The following COX7B2 variants were observed in gnomAD, a reference collection of about 807,000 sequenced individuals.
COX7B2 encodes the protein cytochrome c oxidase subunit 7B2, mitochondrial.
For synonymous variants in COX7B2, 37 were observed against 32.1 expected (o/e 1.15, Z -0.51); for missense variants, 109 against 95.9 (o/e 1.14, Z -0.57).
At chr4:46,737,567 G>T (rs932114985) in intron 2 of COX7B2, among the ~76,000 whole-genome samples, 47 of 152,110 alleles carry the variant, frequency 3.1e-4, no homozygotes, top group Non-Finnish European at 4.3e-4. Context: ...AAGCTAAAAT[G>T]AATGCTAAGA....
At chr4:46,737,663 A>C (rs1455087790) in intron 2 of COX7B2, among the ~76,000 whole-genome samples, 1 of 152,160 alleles carries the variant, frequency 6.6e-6, no homozygotes, top group Non-Finnish European at 1.5e-5. Context: ...GAAATCTGGA[A>C]GTAGAAACAT....
At chr4:46,846,134 G>T (rs1053227589) in intron 1 of COX7B2, among the ~76,000 whole-genome samples, 1 of 152,050 alleles carries the variant, frequency 6.6e-6, no homozygotes, top group African/African-American at 2.4e-5. Flanking sequence ...ATGAATCCAG[G>T]ATTAATTGAA....
At chr4:46,858,460 T>C (rs1717138626) in intron 1 of COX7B2, among the ~76,000 whole-genome samples, 1 of 152,182 alleles carries the variant, frequency 6.6e-6, no homozygotes. Flanking sequence ...TCAGGCCGTT[T>C]TTCATTCATG....
chr4:46,887,876 G>T (rs1020114975), intron 1 of COX7B2, among the ~76,000 whole-genome samples: 1 of 152,012 alleles, frequency 6.6e-6, no homozygotes, highest in Non-Finnish European at 1.5e-5. Flanking sequence ...TGAAAAAAAG[G>T]TTGGGAGTTG....
chr4:46,749,110 T>C (rs932594691), intron 2 of COX7B2, among the ~76,000 whole-genome samples: 1 of 152,168 alleles, frequency 6.6e-6, no homozygotes, highest in East Asian at 1.9e-4. Flanking sequence ...TGTTTCTATA[T>C]CTAAAGTTTC....
At chr4:46,883,357 G>T (rs75472620) in intron 1 of COX7B2, among the ~76,000 whole-genome samples, 1 of 149,146 alleles carries the variant, frequency 6.7e-6, no homozygotes, top group Non-Finnish European at 1.5e-5. Context: ...CACTAATTTG[G>T]CCTTTTCAGA....
At chr4:46,832,176 ACTG>A (rs1182446461) in intron 2 of COX7B2, among the ~76,000 whole-genome samples, 1 of 152,070 alleles carries the variant, frequency 6.6e-6, no homozygotes, top group Non-Finnish European at 1.5e-5. Flanking sequence ...AAATTTTGCT[ACTG>A]CTAACTCTTT....
At chr4:46,787,256 C>G (rs542312164) in intron 2 of COX7B2, among the ~76,000 whole-genome samples, 2 of 151,924 alleles carry the variant, frequency 1.3e-5, no homozygotes, top group South Asian at 4.2e-4. Flanking sequence ...GAGACCAGCC[C>G]GACCAATATG....
chr4:46,759,245 C>T (rs866352167), intron 2 of COX7B2, among the ~76,000 whole-genome samples: 6 of 151,940 alleles, frequency 3.9e-5, no homozygotes, highest in Non-Finnish European at 7.4e-5. Flanking sequence ...AAGCAAAAAC[C>T]GGAAGAAATA....
At chr4:46,763,050 TAA>T (rs1716296479) in intron 2 of COX7B2, among the ~76,000 whole-genome samples, 1 of 131,070 alleles carries the variant, frequency 7.6e-6, no homozygotes, top group African/African-American at 2.9e-5. Flanking sequence ...TTATATATTA[TAA>T]TATGTAATAT....
chr4:46,782,404 T>G (rs1253969052), intron 2 of COX7B2, among the ~76,000 whole-genome samples: 1 of 152,114 alleles, frequency 6.6e-6, no homozygotes, highest in African/African-American at 2.4e-5. Context: ...GGAGAACTTT[T>G]GTGCCTAGCT....
chr4:46,803,212 T>C (rs1362299148), intron 2 of COX7B2, among the ~76,000 whole-genome samples: 1 of 152,132 alleles, frequency 6.6e-6, no homozygotes, highest in East Asian at 1.9e-4. Flanking sequence ...TTTGGCAAAG[T>C]GCCTGAAATC....
intron 2 of COX7B2, among the ~76,000 whole-genome samples, chr4:46,821,054 C>T (rs1352941724): frequency 1.3e-5 from 2 of 152,102 alleles, no homozygotes; most frequent in African/African-American, 2.4e-5. Flanking sequence ...CTGCCTTATG[C>T]TGCCCTTGCT....
chr4:46,852,017 T>G (rs974875570), intron 1 of COX7B2, among the ~76,000 whole-genome samples: 3 of 152,046 alleles, frequency 2.0e-5, no homozygotes, highest in Admixed American at 6.6e-5. Context: ...TTCTCCCAAT[T>G]AATTTTTGTA....
At chr4:46,899,654 G>A (rs1481143081) in intron 1 of COX7B2, among the ~76,000 whole-genome samples, 1 of 152,010 alleles carries the variant, frequency 6.6e-6, no homozygotes, top group Non-Finnish European at 1.5e-5. Context: ...TAGGTCTCCA[G>A]GCTCATGATA....
intron 1 of COX7B2, among the ~76,000 whole-genome samples, chr4:46,846,535 A>G (rs1488818109): frequency 6.6e-6 from 1 of 152,012 alleles, no homozygotes; most frequent in East Asian, 1.9e-4. Flanking sequence ...GGAGTCAGAC[A>G]TGCAGTCTTC....
At chr4:46,754,315 AATGTCC>A (rs1270678895) in intron 2 of COX7B2, among the ~76,000 whole-genome samples, 2 of 151,292 alleles carry the variant, frequency 1.3e-5, no homozygotes, top group Non-Finnish European at 2.9e-5. Context: ...AACCAACCCA[AATGTCC>A]AACAATGATA....
At chr4:46,783,707 A>G (rs961398024) in intron 2 of COX7B2, among the ~76,000 whole-genome samples, 3 of 152,184 alleles carry the variant, frequency 2.0e-5, no homozygotes, top group Admixed American at 6.5e-5. Context: ...TGCAAATGAT[A>G]TGAACAAAAG....
intron 2 of COX7B2, among the ~76,000 whole-genome samples, chr4:46,821,617 A>C (rs11726563): frequency 0.14 from 20,722 of 152,196 alleles, 2,067 homozygotes; most frequent in Admixed American, 0.3. Context: ...TAATACCTAT[A>C]CTACACATGT....
Sources: gnomAD v4.1 joint callset for allele counts (sites outside exome capture counted in the v4.1 genomes callset) on GRCh38, gnomAD v4.1.1 for gene constraint, MANE v1.5 for transcripts, NCBI Gene and HGNC (gene_info 2026-07-23, HGNC 2026-07-21) for gene names.